Variants in PPP2R2D observed in about 807,000 individuals in gnomAD.
PPP2R2D encodes protein phosphatase 2 regulatory subunit Bdelta.
PPP2R2D carries 9 observed loss-of-function variants against 31.1 expected under a neutral mutation model. The observed-to-expected ratio is 0.29, with a 90% CI of 0.17 to 0.51. PPP2R2D has a LOEUF of 0.51. PPP2R2D is among the 20% of genes least tolerant of loss of function. PPP2R2D has a pLI of 0.98. For missense variants in PPP2R2D, 391 were observed against 465.6 expected, an observed-to-expected ratio of 0.84 and a Z score of 1.48; for synonymous variants, 179 against 172.6, an observed-to-expected ratio of 1.04 and a Z score of -0.29.
intron 2 of PPP2R2D, among the ~76,000 whole-genome samples, chr10:131,909,736 T>C (rs1411372053): frequency 2.0e-5 from 3 of 152,246 alleles, no homozygotes; most frequent in Non-Finnish European, 2.9e-5. Context: ...TTTTATACTC[T>C]TAATAGTTAT....
intron 2 of PPP2R2D, among the ~76,000 whole-genome samples, chr10:131,928,101 G>A (rs1299734965): frequency 6.6e-6 from 1 of 152,206 alleles, no homozygotes; most frequent in East Asian, 1.9e-4. Context: ...CATTTCAGCT[G>A]GTGTGTGAGT....
At chr10:131,923,563 G>T (rs1417203688) in intron 2 of PPP2R2D, among the ~76,000 whole-genome samples, 1 of 152,136 alleles carries the variant, frequency 6.6e-6, no homozygotes. Context: ...TAATCCCGCC[G>T]TCAATGTATG....
downstream of PPP2R2D, among the ~76,000 whole-genome samples, chr10:131,961,842 T>G (rs1287111373): frequency 6.6e-6 from 1 of 151,618 alleles, no homozygotes; most frequent in East Asian, 1.9e-4. Context: ...TTTTTTTTTT[T>G]TACATTATCT....
intron 2 of PPP2R2D, among the ~76,000 whole-genome samples, chr10:131,929,328 C>T (rs1589942461): frequency 6.6e-6 from 1 of 152,298 alleles, no homozygotes; most frequent in East Asian, 1.9e-4. Context: ...TCTGGTGTTG[C>T]CCTTAGTGTT....
In PPP2R2D at chr10:131,947,913, C is replaced by T. The variant is rs1200739157; in HGVS notation, c.1082+122C>T. 3.9e-6 allele frequency: 5 copies of T among 1,267,962 alleles called. No homozygotes were observed. Among genetic ancestry groups the T allele is most frequent in the East Asian group, 4.7e-5 (2 of 42,740 alleles). The allele number at this position is 1,267,962 out of a possible 1,614,324, so 78.5% of individuals were successfully genotyped here. On this transcript the variant is annotated intron_variant, in intron 8 of 8. Coordinates refer to ENST00000455566, the MANE Select transcript of PPP2R2D (RefSeq NM_018461.5). The surrounding 1 kb of genome is among the most constrained non-coding windows in gnomAD (Gnocchi z 4.3). ...GAGGACGCTCATAGGGTGTTGTTTTCCAGACCTTTTGATTGATGGATGATA... is the reference window on the plus strand; with the variant it reads ...GAGGACGCTCATAGGGTGTTGTTTTTCAGACCTTTTGATTGATGGATGATA...
At chr10:131,937,183 A>C (rs1390065022) in intron 3 of PPP2R2D, among the ~76,000 whole-genome samples, 1 of 152,224 alleles carries the variant, frequency 6.6e-6, no homozygotes, top group African/African-American at 2.4e-5. Context: ...AGGTCCATAG[A>C]GGCCCGTTGG....
intron 2 of PPP2R2D, among the ~76,000 whole-genome samples, chr10:131,924,908 T>C (rs1349916035): frequency 6.6e-6 from 1 of 152,234 alleles, no homozygotes; most frequent in African/African-American, 2.4e-5. Flanking sequence ...TATTTATTCT[T>C]TTTGATGATA....
At position 131,901,616 on chromosome 10, in the gene PPP2R2D, G is replaced by A. The variant is rs962137272; in HGVS notation, c.100+286G>A. ...TCCTCCGAACCCAGCGCCTGGGGCTGCCTCCTGCCCGGGGCGGAACCGAAG... is the reference window on the plus strand; with the variant it reads ...TCCTCCGAACCCAGCGCCTGGGGCTACCTCCTGCCCGGGGCGGAACCGAAG... On this transcript the variant is annotated intron_variant, in intron 2 of 8. Coordinates refer to ENST00000455566, the MANE Select transcript of PPP2R2D (RefSeq NM_018461.5). Among the ~76,000 whole-genome samples the A allele has an allele frequency of 5.9e-5, 9 of 152,284 alleles. No homozygotes were observed. In the East Asian group the frequency reaches 1.5e-3, roughly 26 times the overall value.
At chr10:131,940,796 T>C (rs2036428090) in intron 5 of PPP2R2D, 102 bp downstream of exon 5, 2 of 621,078 alleles carry the variant, frequency 3.2e-6, no homozygotes, top group East Asian at 2.8e-5. Flanking sequence ...CTGTGAGGTC[T>C]GCTGTGAGGT....
intron 2 of PPP2R2D, among the ~76,000 whole-genome samples, chr10:131,920,991 G>T (rs1435115659): frequency 1.3e-5 from 2 of 152,206 alleles, no homozygotes; most frequent in East Asian, 3.8e-4. Flanking sequence ...GTTAATAGAA[G>T]ATGAATTTCA....
At chr10:131,904,914 T>C (rs1218841354) in intron 2 of PPP2R2D, among the ~76,000 whole-genome samples, 1 of 152,168 alleles carries the variant, frequency 6.6e-6, no homozygotes, top group African/African-American at 2.4e-5. Context: ...CTAATAGTTT[T>C]GGGCTGGGGA....
intron 3 of PPP2R2D, among the ~76,000 whole-genome samples, chr10:131,937,910 G>A (rs1049787826): frequency 2.0e-5 from 3 of 152,108 alleles, no homozygotes; most frequent in Non-Finnish European, 4.4e-5. Flanking sequence ...CAGCACACGC[G>A]GGGCAGTCAG....
chr10:131,970,645 C>T, the PPP2R2D span: 3 of 1,613,970 alleles, frequency 1.9e-6, no homozygotes, highest in Non-Finnish European at 2.5e-6. The surrounding 1 kb of genome is among the most constrained non-coding windows in gnomAD (Gnocchi z 4.1). Context: ...TACCCCAATC[C>T]GATGGCCAGC....
At chr10:131,965,011 T>C in the PPP2R2D span, among the ~76,000 whole-genome samples, 19 of 152,224 alleles carry the variant, frequency 1.2e-4, no homozygotes, top group African/African-American at 4.3e-4. Flanking sequence ...TGAGCAGTTA[T>C]GTGTTTTTCT....
intron 2 of PPP2R2D, among the ~76,000 whole-genome samples, chr10:131,916,242 T>C (rs1001958520): frequency 6.6e-6 from 1 of 151,926 alleles, no homozygotes; most frequent in Admixed American, 6.6e-5. Flanking sequence ...GGAGTTCGCA[T>C]CTATATGTCA....
intron 8 of PPP2R2D, among the ~76,000 whole-genome samples, chr10:131,948,808 G>C (rs2036589003): frequency 6.6e-6 from 1 of 152,214 alleles, no homozygotes. Flanking sequence ...AAGAGCTGAA[G>C]CCTTGGCCCA....
chr10:131,952,933 G>T (rs1201518090), intron 8 of PPP2R2D, among the ~76,000 whole-genome samples: 2 of 74,404 alleles, frequency 2.7e-5, no homozygotes, highest in African/African-American at 1.1e-4. Flanking sequence ...ACTTGCGGGG[G>T]GGGTCCCTGT....
intron 5 of PPP2R2D, among the ~76,000 whole-genome samples, chr10:131,941,083 G>A (rs1262033764): frequency 6.6e-6 from 1 of 152,170 alleles, no homozygotes; most frequent in East Asian, 1.9e-4. Flanking sequence ...GTCGAAAGAT[G>A]AGCTGTGGGC....
intron 3 of PPP2R2D, among the ~76,000 whole-genome samples, chr10:131,937,071 C>T (rs939296189): frequency 1.3e-5 from 2 of 152,224 alleles, no homozygotes; most frequent in Non-Finnish European, 2.9e-5. Flanking sequence ...GGTTCACAGG[C>T]GTCCACGTGT....
Sources: gnomAD v4.1 joint callset for allele counts (sites outside exome capture counted in the v4.1 genomes callset) on GRCh38, gnomAD v4.1.1 for gene constraint, Gnocchi (gnomAD v3.1) non-coding constraint, MANE v1.5 for transcripts, NCBI Gene and HGNC (gene_info 2026-07-23, HGNC 2026-07-21) for gene names.